Variants in MMP28 observed in about 807,000 individuals in gnomAD.
MMP28 encodes matrix metallopeptidase 28, also known as matrix metalloproteinase-28.
In MMP28, 55 loss-of-function variants were observed where a neutral mutation model predicts 60.5. The ratio of observed to expected loss-of-function variants is 0.91; its 90% CI spans 0.73 to 1.14. The LOEUF is 1.14. MMP28 is among the 50% of genes most tolerant of loss of function. The pLI, the probability that MMP28 is intolerant of heterozygous loss-of-function variation, is 0.00. For missense variants in MMP28, 686 were observed against 738.3 expected (o/e 0.93, Z 0.82); for synonymous variants, 318 against 312.5 (o/e 1.02, Z -0.18).
At chr17:35,763,039 G>A (rs372755766), downstream of MMP28, among the ~76,000 whole-genome samples, 16 of 151,706 alleles carry the variant, frequency 1.1e-4, no homozygotes, top group East Asian at 2.9e-3. Context: ...GGAGAATGGC[G>A]TGAACCCGGC....
chr17:35,764,576 T>G, downstream of MMP28: 2 of 1,594,950 alleles, frequency 1.3e-6, no homozygotes, highest in Non-Finnish European at 1.7e-6. Context: ...GCGTTCTGGA[T>G]CACCCGGATC....
At chr17:35,786,026 G>A (rs1014609732) in intron 1 of MMP28, among the ~76,000 whole-genome samples, 1 of 151,444 alleles carries the variant, frequency 6.6e-6, no homozygotes, top group African/African-American at 2.4e-5. Context: ...AGGGACATTT[G>A]GTAGGTGAGC....
chr17:35,792,172 C>T (rs1644826646), intron 1 of MMP28, among the ~76,000 whole-genome samples: 1 of 152,158 alleles, frequency 6.6e-6, no homozygotes, highest in Non-Finnish European at 1.5e-5. Flanking sequence ...GTGACTTTAA[C>T]ACTCCTCTCA....
downstream of MMP28, among the ~76,000 whole-genome samples, chr17:35,761,568 C>G (rs2085822097): frequency 1.3e-5 from 2 of 152,108 alleles, no homozygotes; most frequent in Non-Finnish European, 2.9e-5. Context: ...TGTGAGCCAC[C>G]ACATCTGGCT....
At chr17:35,769,876 G>A (rs371061611) in intron 5 of MMP28, among the ~76,000 whole-genome samples, 191 bp downstream of exon 5, 34 of 152,198 alleles carry the variant, frequency 2.2e-4, no homozygotes, top group Middle Eastern at 3.4e-3. Context: ...ATGGACTCGG[G>A]GGAGCAAGAA....
At chr17:35,767,234 A>G (rs1286323077) in intron 7 of MMP28, among the ~76,000 whole-genome samples, 2 of 152,146 alleles carry the variant, frequency 1.3e-5, no homozygotes, top group African/African-American at 4.8e-5. Flanking sequence ...ATATCCAACC[A>G]CGTCTAGTGC....
chr17:35,770,048 G>T lies in MMP28; in HGVS notation c.850+19C>A. ...GGGCAGGAGTGGGACCAAGAGCGGG[G>T]CATGTCCCGGGGCCTCACCATACAG... On this transcript the variant is annotated intron_variant, in intron 5 of 7. Transcript: ENST00000605424. 6.5e-7 allele frequency: 1 copy of T among 1,530,554 alleles called. No homozygotes were observed. The highest frequency in any genetic ancestry group is 8.8e-7 in the Non-Finnish European group (1 of 1,139,198). 94.8% of individuals were successfully genotyped at this position (1,530,554 alleles called of 1,614,324 possible).
At chr17:35,785,066 C>T (rs1262718211) in intron 1 of MMP28, among the ~76,000 whole-genome samples, 1 of 152,094 alleles carries the variant, frequency 6.6e-6, no homozygotes, top group Non-Finnish European at 1.5e-5. Context: ...TCTGAAAGTC[C>T]CTGGGAGTGG....
At chr17:35,765,550 G>C (rs1429781762), downstream of MMP28, among the ~76,000 whole-genome samples, 2 of 152,254 alleles carry the variant, frequency 1.3e-5, no homozygotes, top group East Asian at 3.8e-4. Flanking sequence ...GCCACTGTGA[G>C]AGCACAAGGC....
At position 35,766,700 on chromosome 17, in the gene MMP28, T is replaced by G; in HGVS notation, c.1363A>C (p.Ser455Arg). ...GGGATGCCTCCCCAGTCCTGCAGAC[T>G]TCGGGGGTAGTAGGGCTCCACTTGC... ...GLQVEPYYPR[S>R]LQDWGGIPEE... Residue 455 changes from serine to arginine, a missense_variant, in exon 8 of 8, where the codon AGT becomes CGT. Physicochemically the swap from Ser to Arg is moderately radical, Grantham distance 110. Transcript: ENST00000605424. This position sits in a 1 kb window ranked among gnomAD's most constrained non-coding sequence, Gnocchi z 4.3. 6.2e-7 allele frequency: 1 copy of G among 1,606,250 alleles called. No homozygotes were observed. The highest frequency in any genetic ancestry group is 8.5e-7 in the Non-Finnish European group (1 of 1,176,746).
rs2085997722 is a variant in MMP28, at chr17:35,767,978, G to A, written c.1001-59C>T. On this transcript the variant is annotated intron_variant, in intron 6 of 7. Coordinates refer to ENST00000605424, the MANE Select transcript of MMP28 (RefSeq NM_024302.5). ...CATCAGCTTCCTGCTGTCTTTCCAG[G>A]AAAGATGCTGTCCTGGAAGCCAGTT... 1.3e-5 allele frequency: 19 copies of A among 1,519,692 alleles called. No homozygotes were observed. The South Asian group carries it at 2.4e-4, about 19-fold the overall frequency. The allele number at this position is 1,519,692 out of a possible 1,614,324, so 94.1% of individuals were successfully genotyped here.
chr17:35,778,479 TA>T, intron 3 of MMP28: 1 of 261,832 alleles, frequency 3.8e-6, no homozygotes, highest in East Asian at 9.7e-5. Flanking sequence ...ATAAAGTGGT[TA>T]AAAATATGCT....
intron 2 of MMP28, among the ~76,000 whole-genome samples, chr17:35,757,828 TGCAGTG>T (rs1241702010): frequency 6.6e-6 from 1 of 152,124 alleles, no homozygotes; most frequent in Non-Finnish European, 1.5e-5. Flanking sequence ...GAGGCTGGAG[TGCAGTG>T]GCTATTCACA....
At chr17:35,772,088 C>T (rs974496774) in intron 4 of MMP28, among the ~76,000 whole-genome samples, 1 of 150,540 alleles carries the variant, frequency 6.6e-6, no homozygotes, top group African/African-American at 2.4e-5. Flanking sequence ...GGAGATCCTC[C>T]TGGGGGCATG....
intron 3 of MMP28, among the ~76,000 whole-genome samples, chr17:35,774,322 A>T (rs1350368454): frequency 3.3e-5 from 5 of 152,054 alleles, no homozygotes; most frequent in African/African-American, 1.2e-4. Flanking sequence ...TGGGATTGTA[A>T]CCTCAAGTGG....
chr17:35,770,162 G>T lies in MMP28; in HGVS notation c.755C>A (p.Pro252His). Reference protein sequence around the residue: ...IGHTLGLTHSPAPRALMAPYY... With the variant: ...IGHTLGLTHSHAPRALMAPYY... ...GGGCGCCATGAGCGCGCGCGGCGCG[G>T]GCGAGTGGGTGAGGCCAAGCGTGTG... Residue 252 changes from proline to histidine, a missense_variant, in exon 5 of 8, where the codon CCC (proline) becomes CAC (histidine). Transcript: ENST00000605424. 6.2e-7 allele frequency: 1 copy of T among 1,607,274 alleles called. No individual in the cohort carries two copies.
chr17:35,768,303 G>T lies in MMP28; in HGVS notation c.927C>A (p.Tyr309Ter), dbSNP rs1555604271. ...LFTDFETWDS[Y>*]SPQGRRPETQ... ...TTTCAGGGCGCCTTCCTTGGGGGCTGTAGGAGTCCCAGGTCTCAAAGTCAG... is the reference window on the plus strand; with the variant it reads ...TTTCAGGGCGCCTTCCTTGGGGGCTTTAGGAGTCCCAGGTCTCAAAGTCAG... Residue 309 changes from tyrosine to a stop codon, truncating the protein, a stop_gained, in exon 6 of 8, where the codon TAC becomes TAA. Coordinates refer to ENST00000605424, the MANE Select transcript of MMP28 (RefSeq NM_024302.5). LOFTEE classifies it high-confidence loss of function. 13 of 1,613,504 alleles carry T rather than the reference G, an allele frequency of 8.1e-6. No individual in the cohort carries two copies. The highest frequency in any genetic ancestry group is 1.1e-5 in the Non-Finnish European group (13 of 1,179,642).
chr17:35,764,631 C>G (rs782308047), downstream of MMP28: 12 of 1,564,634 alleles, frequency 7.7e-6, no homozygotes, highest in East Asian at 2.9e-4. Flanking sequence ...GCCCCCGCTC[C>G]CAGCCTTTGT....
Position 35,770,175 on chromosome 17 carries a change from G to A in MMP28, c.742C>T (p.Leu248Phe), listed in dbSNP as rs767071995. 6.2e-7 allele frequency: 1 copy of A among 1,606,598 alleles called. No homozygotes were observed. The highest frequency in any genetic ancestry group is 1.1e-5 in the South Asian group (1 of 90,574). The change falls in exon 5 of 8, where the codon CTC becomes TTC. Residue 248 changes from leucine to phenylalanine, a missense_variant. Leu to Phe is a conservative substitution (Grantham distance 22). Transcript: ENST00000605424. Reference sequence around the variant, plus strand: ...GCGCGCGGCGCGGGCGAGTGGGTGAGGCCAAGCGTGTGACCGATCTCGTGC... The same window carrying A: ...GCGCGCGGCGCGGGCGAGTGGGTGAAGCCAAGCGTGTGACCGATCTCGTGC... ...LAHEIGHTLG[L>F]THSPAPRALM...
Sources: allele counts gnomAD v4.1 joint callset (sites outside exome capture counted in the v4.1 genomes callset), GRCh38; gene constraint gnomAD v4.1.1; non-coding constraint Gnocchi (gnomAD v3.1); transcripts MANE v1.5; gene names NCBI Gene and HGNC (gene_info 2026-07-23, HGNC 2026-07-21).